The following ZNF560 variants were observed in gnomAD, a reference collection of about 807,000 sequenced individuals.
The protein encoded by ZNF560 is zinc finger protein 560.
ZNF560 carries 54 observed loss-of-function variants against 81.8 expected under a neutral mutation model. The ratio of observed to expected loss-of-function variants is 0.66; its 90% confidence interval spans 0.53 to 0.83. ZNF560 has a LOEUF of 0.83. ZNF560 is among the 40% of genes least tolerant of loss of function. The pLI, the probability that ZNF560 is intolerant of heterozygous loss-of-function variation, is 0.00. For missense variants in ZNF560, 940 were observed against 932.4 expected (o/e 1.01, Z -0.11); for synonymous variants, 321 against 317.9 (o/e 1.01, Z -0.10).
At chr19:9,506,319 T>G in the ZNF560 span, among the ~76,000 whole-genome samples, 32 of 151,994 alleles carry the variant, frequency 2.1e-4, no homozygotes, top group African/African-American at 6.0e-4. Flanking sequence ...TCATAAGGAT[T>G]ACATTTACCA....
chr19:9,503,713 AT>A, the ZNF560 span, among the ~76,000 whole-genome samples: 1 of 151,836 alleles, frequency 6.6e-6, no homozygotes, highest in Non-Finnish European at 1.5e-5. Context: ...TTTTTAGAAA[AT>A]TTTTTGTAGA....
At position 9,467,210 on chromosome 19, in the gene ZNF560, T is replaced by G; in HGVS notation, c.1737A>C (p.Lys579Asn). Reference sequence around the variant, plus strand: ...TAAGGTATGAGCGCTCAGTGAAGGCTTTCCCACATTTCATACATTCATAGG... The same window carrying G: ...TAAGGTATGAGCGCTCAGTGAAGGCGTTCCCACATTTCATACATTCATAGG... ...EKPYECMKCG[K>N]AFTERSYLTK... Residue 579 changes from lysine (K) to asparagine (N), a missense_variant, in exon 10 of 10, where the codon AAA becomes AAC. Transcript: ENST00000301480. 6.2e-7 allele frequency: 1 copy of G among 1,614,176 alleles called. No homozygotes were observed. The highest frequency in any genetic ancestry group is 8.5e-7 in the Non-Finnish European group (1 of 1,180,018).
the ZNF560 span, among the ~76,000 whole-genome samples, chr19:9,455,336 C>T: frequency 6.6e-6 from 1 of 152,240 alleles, no homozygotes; most frequent in African/African-American, 2.4e-5. Flanking sequence ...TCGAGCCTGT[C>T]TGGCTCCTGC....
chr19:9,450,353 T>TAGG, the ZNF560 span, among the ~76,000 whole-genome samples: 1 of 151,572 alleles, frequency 6.6e-6, no homozygotes, highest in Non-Finnish European at 1.5e-5. Context: ...AACATAGTAC[T>TAGG]AGGAGTCCCA....
the ZNF560 span, among the ~76,000 whole-genome samples, chr19:9,449,978 A>G: frequency 7.7e-6 from 1 of 129,274 alleles, no homozygotes; most frequent in Middle Eastern, 3.5e-3. Context: ...CTGTCTCAAA[A>G]AAAAAAAAAA....
chr19:9,489,195 G>T (rs1438189809), intron 2 of ZNF560, among the ~76,000 whole-genome samples: 1 of 152,376 alleles, frequency 6.6e-6, no homozygotes, highest in Non-Finnish European at 1.5e-5. Flanking sequence ...TTCACACTTG[G>T]AGGTTTGCAC....
At chr19:9,485,309 T>C (rs1406607120) in intron 2 of ZNF560, among the ~76,000 whole-genome samples, 1 of 152,036 alleles carries the variant, frequency 6.6e-6, no homozygotes, top group Non-Finnish European at 1.5e-5. Flanking sequence ...AACAGCACAT[T>C]AAAATTATCA....
intron 9 of ZNF560, 38 bp downstream of exon 9, chr19:9,469,067 G>C (rs1329809724): frequency 1.3e-6 from 2 of 1,481,952 alleles, no homozygotes; most frequent in African/African-American, 2.8e-5. Flanking sequence ...AGTCTTCTCT[G>C]AATGTGAAAA....
At chr19:9,451,927 T>G in the ZNF560 span, among the ~76,000 whole-genome samples, 7 of 151,994 alleles carry the variant, frequency 4.6e-5, no homozygotes, top group Admixed American at 2.6e-4. Flanking sequence ...AATACAAAAA[T>G]TAGCTGGGCA....
chr19:9,504,173 C>A, the ZNF560 span, among the ~76,000 whole-genome samples: 1 of 152,194 alleles, frequency 6.6e-6, no homozygotes, highest in African/African-American at 2.4e-5. Context: ...GTGGCTCACA[C>A]CTGTAATCCC....
chr19:9,484,843 G>GAAAAAAAAAAAAAAAAAAA (rs920756506), intron 2 of ZNF560, among the ~76,000 whole-genome samples: 1 of 139,268 alleles, frequency 7.2e-6, no homozygotes, highest in African/African-American at 2.9e-5. Context: ...ATAAAAAAAA[G>GAAAAAAAAAAAAAAAAAAA]AAAAAAAAAG....
chr19:9,457,211 T>G, the ZNF560 span, among the ~76,000 whole-genome samples: 1 of 152,238 alleles, frequency 6.6e-6, no homozygotes, highest in Admixed American at 6.5e-5. Context: ...GAATGTTAAC[T>G]GACTTAAGGG....
At position 9,467,809 on chromosome 19, in the gene ZNF560, G is replaced by T; in HGVS notation, c.1138C>A (p.His380Asn). The T allele has an allele frequency of 6.2e-7, 1 of 1,614,168 alleles. No individual in the cohort carries two copies. Among genetic ancestry groups the T allele is most frequent in the Non-Finnish European group, 8.5e-7 (1 of 1,180,030 alleles). ...HIGIKPYKCKHCGKTFTVPSG... is the reference protein window; with the variant it reads ...HIGIKPYKCKNCGKTFTVPSG... ...GGCACAGTGAAGGTTTTGCCACAGTGCTTACATTTATAAGGTTTTATCCCA... is the reference window on the plus strand; with the variant it reads ...GGCACAGTGAAGGTTTTGCCACAGTTCTTACATTTATAAGGTTTTATCCCA... Residue 380 changes from histidine (H) to asparagine (N), a missense_variant, in exon 10 of 10, where the codon CAC (histidine) becomes AAC (asparagine). Physicochemically the swap from His to Asn is moderately conservative, Grantham distance 68. Transcript: ENST00000301480.
intron 2 of ZNF560, among the ~76,000 whole-genome samples, chr19:9,487,760 A>C (rs2073408444): frequency 6.6e-6 from 1 of 152,234 alleles, no homozygotes; most frequent in Non-Finnish European, 1.5e-5. Context: ...AACTTGTAGC[A>C]TAAGTACCTT....
At chr19:9,455,982 G>T in the ZNF560 span, among the ~76,000 whole-genome samples, 80 of 152,260 alleles carry the variant, frequency 5.3e-4, 1 homozygote, top group Middle Eastern at 0.014. Context: ...GCTGAACCAG[G>T]TCTATACCTG....
intron 4 of ZNF560, 104 bp downstream of exon 4, chr19:9,474,095 C>T (rs991751679): frequency 1.3e-5 from 17 of 1,316,500 alleles, no homozygotes; most frequent in African/African-American, 1.2e-4. Flanking sequence ...GCAGGGACAA[C>T]GTCTCTGGTG....
chr19:9,483,507 G>A (rs1420052866), intron 2 of ZNF560, among the ~76,000 whole-genome samples: 70 of 148,954 alleles, frequency 4.7e-4, no homozygotes, highest in African/African-American at 1.4e-3. Context: ...GCCCCCGCCC[G>A]GCCAGCCGCC....
At chr19:9,473,887 C>A (rs2073160168) in intron 4 of ZNF560, among the ~76,000 whole-genome samples, 1 of 152,080 alleles carries the variant, frequency 6.6e-6, no homozygotes. Flanking sequence ...ACAACTACAC[C>A]AGTGATTCTT....
intron 2 of ZNF560, among the ~76,000 whole-genome samples, chr19:9,497,646 G>A (rs528880251): frequency 6.6e-6 from 1 of 151,428 alleles, no homozygotes; most frequent in Non-Finnish European, 1.5e-5. Context: ...TACACAAAAC[G>A]CTAAAAAACA....
Sources: gnomAD v4.1 joint callset for allele counts (sites outside exome capture counted in the v4.1 genomes callset) on GRCh38, gnomAD v4.1.1 for gene constraint, MANE v1.5 for transcripts, NCBI Gene and HGNC (gene_info 2026-07-23, HGNC 2026-07-21) for gene names.